Variants in SLC30A10 observed in about 807,000 individuals in gnomAD.
SLC30A10 encodes calcium/manganese antiporter SLC30A10.
In SLC30A10, 8 loss-of-function variants were observed where a neutral mutation model predicts 21.7. The observed-to-expected ratio is 0.37, with a 90% CI of 0.22 to 0.67. The LOEUF is 0.67. Among genes scored for constraint, SLC30A10 ranks in the 30% least tolerant of loss-of-function variants. The probability of loss-of-function intolerance (pLI) is 0.58; values close to 1 mark genes in which losing one functional copy is unlikely to be tolerated. For missense variants in SLC30A10, 521 were observed against 642.5 expected, an observed-to-expected ratio of 0.81 and a Z score of 2.04; for synonymous variants, 272 against 279.4, an observed-to-expected ratio of 0.97 and a Z score of 0.26.
rs943461000 is a variant in SLC30A10 at position 219,918,401 on chromosome 1, T to G, written c.812A>C (p.Asp271Ala). Residue 271 changes from aspartate (D) to alanine (A), a missense_variant, in exon 3 of 4, where the codon GAC (aspartate) becomes GCC (alanine). By Grantham distance (126) the Asp-to-Ala change is moderately radical. Transcript: ENST00000366926. This position sits in a 1 kb window ranked among gnomAD's most constrained non-coding sequence, Gnocchi z 4.4. ...AATGTAACACTGCCAGTTACACGGG[T>G]CCTCACTCTTCAGGGGAAGCACATA... Reference protein sequence around the residue: ...IFYVLPLKSEDPCNWQCYIDP... With the variant: ...IFYVLPLKSEAPCNWQCYIDP... The G allele has an allele frequency of 8.1e-6, 13 of 1,613,010 alleles. No homozygotes were observed. Among genetic ancestry groups the G allele is most frequent in the Non-Finnish European group, 1.1e-5 (13 of 1,179,794 alleles).
chr1:219,938,868 G>T (rs1660080473), intron 1 of SLC30A10, among the ~76,000 whole-genome samples: 1 of 152,204 alleles, frequency 6.6e-6, no homozygotes, highest in African/African-American at 2.4e-5. Context: ...TAATGCTTCA[G>T]TAAGAGTGAG....
At chr1:219,951,886 C>T (rs191457609) in intron 1 of SLC30A10, among the ~76,000 whole-genome samples, 52 of 152,256 alleles carry the variant, frequency 3.4e-4, no homozygotes, top group Non-Finnish European at 6.8e-4. Flanking sequence ...CAGGCATGAA[C>T]ATTGTGCCCA....
chr1:219,911,181 T>C lies in SLC30A10; in HGVS notation c.*4268A>G, dbSNP rs1659409874. ...TTTTTTTTTTTTTTTTTTTGCAGTC[T>C]TTTACTACAGGAATGTGAAGATATA... On this transcript the variant is annotated 3_prime_UTR_variant, in exon 4 of 4. Coordinates refer to ENST00000366926, the MANE Select transcript of SLC30A10 (RefSeq NM_018713.3). Among the ~76,000 whole-genome samples, 1 of 144,578 alleles carries C rather than the reference T, an allele frequency of 6.9e-6. No homozygotes were observed. Among genetic ancestry groups the C allele is most frequent in the Non-Finnish European group, 1.5e-5 (1 of 66,610 alleles). The allele number at this position is 144,578 out of a possible 152,430, so 94.8% of individuals were successfully genotyped here.
chr1:219,924,305 G>A (rs1218659073), intron 2 of SLC30A10, among the ~76,000 whole-genome samples: 4 of 152,152 alleles, frequency 2.6e-5, no homozygotes, highest in Non-Finnish European at 5.9e-5. Flanking sequence ...TAGAGGCAAT[G>A]TGTGATCATG....
Position 219,925,250 on chromosome 1 carries a change from T to C in SLC30A10, c.718+1778A>G, listed in dbSNP as rs1774011. Among the ~76,000 whole-genome samples, 180 of 152,252 alleles carry C rather than the reference T, an allele frequency of 1.2e-3. 2 individuals carry two copies. The highest frequency in any genetic ancestry group is 4.0e-3 in the African/African-American group (167 of 41,542). ...CTTTGTAACATAAGAATGAGGATAG[T>C]TGGCCGGGTGCAGTGGCTCACACCT... On this transcript the variant is annotated intron_variant, in intron 2 of 3. Transcript: ENST00000366926.
In SLC30A10 at chr1:219,928,362, C is replaced by A; in HGVS notation, c.79G>T (p.Val27Phe). The A allele has an allele frequency of 6.2e-7, 1 of 1,613,402 alleles. No homozygotes were observed. The highest frequency in any genetic ancestry group is 1.3e-5 in the African/African-American group (1 of 75,006). The stretch of plus-strand genomic sequence containing the variant: ...ATGGAGTTGCCCAGGTAGCCGGAGA[C>A]CAGCTCCGCCACGAAGAAGGCGACG... Reference protein sequence around the residue: ...LTVAFFVAELVSGYLGNSIAL... With the variant: ...LTVAFFVAELFSGYLGNSIAL... The change falls in exon 1 of 4, where the codon GTC becomes TTC. Residue 27 changes from valine to phenylalanine, a missense_variant. Coordinates refer to ENST00000366926, the MANE Select transcript of SLC30A10 (RefSeq NM_018713.3). This position sits in a 1 kb window ranked among gnomAD's most constrained non-coding sequence, Gnocchi z 6.3.
intron 1 of SLC30A10, among the ~76,000 whole-genome samples, chr1:219,956,509 G>A (rs946971292): frequency 1.3e-5 from 2 of 151,918 alleles, no homozygotes; most frequent in Non-Finnish European, 2.9e-5. Flanking sequence ...CTAGAATTAA[G>A]CCAGCAGAAA....
At chr1:219,921,907 A>AG (rs1659687168) in intron 2 of SLC30A10, among the ~76,000 whole-genome samples, 2 of 65,978 alleles carry the variant, frequency 3.0e-5, no homozygotes, top group African/African-American at 1.6e-4. Context: ...GTGTGTGTGA[A>AG]AGAGAGAGAG....
rs760711715 is a variant in SLC30A10, at chr1:219,914,349, G to C, written c.*1100C>G. On this transcript the variant is annotated 3_prime_UTR_variant, in exon 4 of 4. Transcript: ENST00000366926. The stretch of plus-strand genomic sequence containing the variant: ...TCAGCGACATGAAAGAAAATTTTAA[G>C]TTCCTCAAAAACACATTAAAGGCAG... 1 of 152,142 alleles carries C rather than the reference G, an allele frequency of 6.6e-6. No individual in the cohort carries two copies. Among genetic ancestry groups the C allele is most frequent in the Non-Finnish European group, 1.5e-5 (1 of 68,008 alleles). 9.4% of individuals were successfully genotyped at this position (152,142 alleles called of 1,614,324 possible).
intron 1 of SLC30A10, among the ~76,000 whole-genome samples, chr1:219,949,777 T>C (rs1011384088): frequency 1.3e-5 from 2 of 150,752 alleles, no homozygotes; most frequent in Non-Finnish European, 3.0e-5. Context: ...AAAATAAAAA[T>C]AAAAATAAAA....
intron 1 of SLC30A10, among the ~76,000 whole-genome samples, chr1:219,949,185 G>A (rs1415560376): frequency 6.6e-6 from 1 of 152,202 alleles, no homozygotes; most frequent in African/African-American, 2.4e-5. Flanking sequence ...CAACCCTTGT[G>A]GAAGTCAGCA....
rs72517767 is a variant in SLC30A10, at chr1:219,921,872, AGTGTGTGT to A, written c.719-3386_719-3379del. On this transcript the variant is annotated intron_variant, in intron 2 of 3. Transcript: ENST00000366926. Reference sequence around the variant, plus strand: ...GGCAAAATTCTGTGGGGTGTCTCTGAGTGTGTGTGTGTGTGTGTGTGTGTGTGTGTGTG... The same window carrying A: ...GGCAAAATTCTGTGGGGTGTCTCTGAGTGTGTGTGTGTGTGTGTGTGTGTG... 7.3e-4 allele frequency among the ~76,000 whole-genome samples: 102 copies of A among 139,442 alleles called. No homozygotes were observed. The South Asian group carries it at 8.3e-3, about 11-fold the overall frequency. The allele number at this position is 139,442 out of a possible 152,430, so 91.5% of individuals were successfully genotyped here.
At chr1:219,921,357 T>C (rs1358226645) in intron 2 of SLC30A10, among the ~76,000 whole-genome samples, 6 of 152,306 alleles carry the variant, frequency 3.9e-5, no homozygotes, top group Admixed American at 3.9e-4. Flanking sequence ...AAGTAACTTG[T>C]CCAAAATCAC....
rs1185312562 is a variant in SLC30A10, at chr1:219,914,561, T to C, written c.*888A>G. Reference sequence around the variant, plus strand: ...CCCAGGAATACTCTTTTCTGGTAAATGCTGCATAGATCAATGCAATCATAT... The same window carrying C: ...CCCAGGAATACTCTTTTCTGGTAAACGCTGCATAGATCAATGCAATCATAT... On this transcript the variant is annotated 3_prime_UTR_variant, in exon 4 of 4. Coordinates refer to ENST00000366926, the MANE Select transcript of SLC30A10 (RefSeq NM_018713.3). The C allele has an allele frequency of 6.6e-6, 1 of 152,220 alleles. No individual in the cohort carries two copies. Among genetic ancestry groups the C allele is most frequent in the Non-Finnish European group, 1.5e-5 (1 of 68,040 alleles). The allele number at this position is 152,220 out of a possible 1,614,324, so 9.4% of individuals were successfully genotyped here. A position where few individuals can be genotyped will look rare whatever the true frequency, so the allele number is the denominator to read the frequency against.
chr1:219,958,264 G>GCT (rs1020224297), intron 1 of SLC30A10, among the ~76,000 whole-genome samples: 4 of 151,946 alleles, frequency 2.6e-5, no homozygotes, highest in African/African-American at 9.7e-5. Flanking sequence ...CTTTCCAATC[G>GCT]CTCTCTCTGT....
chr1:219,948,619 G>C (rs1346000785), intron 1 of SLC30A10, among the ~76,000 whole-genome samples: 1 of 152,132 alleles, frequency 6.6e-6, no homozygotes, highest in African/African-American at 2.4e-5. Flanking sequence ...ATTCAAGATG[G>C]ATTAAAGACT....
chr1:219,915,649 G>C lies in SLC30A10; in HGVS notation c.1258C>G (p.Leu420Val). 6.2e-7 allele frequency: 1 copy of C among 1,614,256 alleles called. No homozygotes were observed. Among genetic ancestry groups the C allele is most frequent in the South Asian group, 1.1e-5 (1 of 91,090 alleles). ...AKQLCCPPGA[L>V]PLAHVNGCAE... ...CAGCCATTGACGTGAGCCAGAGGCA[G>C]TGCCCCGGGGGGACAACACAGCTGC... is the stretch of plus-strand genomic sequence containing the variant. The change falls in exon 4 of 4, where the codon CTG becomes GTG. Residue 420 changes from leucine (L) to valine (V), a missense_variant. Physicochemically the swap from Leu to Val is conservative, Grantham distance 32 (BLOSUM62 1). Transcript: ENST00000366926.
At chr1:219,950,216 G>A (rs1218417706) in intron 1 of SLC30A10, among the ~76,000 whole-genome samples, 3 of 152,202 alleles carry the variant, frequency 2.0e-5, no homozygotes, top group Non-Finnish European at 2.9e-5. Flanking sequence ...ATTTCAATGA[G>A]CTACATATTG....
intron 2 of SLC30A10, among the ~76,000 whole-genome samples, chr1:219,923,625 G>T (rs1357095724): frequency 1.3e-5 from 2 of 152,292 alleles, no homozygotes; most frequent in African/African-American, 4.8e-5. Context: ...TTGTCTTTCT[G>T]ACATATTGTT....
Sources: allele counts gnomAD v4.1 joint callset (sites outside exome capture counted in the v4.1 genomes callset), GRCh38; gene constraint gnomAD v4.1.1; non-coding constraint Gnocchi (gnomAD v3.1); transcripts MANE v1.5; gene names NCBI Gene and HGNC (gene_info 2026-07-23, HGNC 2026-07-21).